Variants in ENO4 observed in about 807,000 individuals in gnomAD.
ENO4 encodes 2-phospho-D-glycerate hydro-lyase.
Under a neutral mutation model 63.2 loss-of-function variants are expected in ENO4, and 53 were observed. The observed-to-expected ratio is 0.84, with a 90% CI of 0.67 to 1.05. The LOEUF (loss-of-function observed/expected upper bound fraction) is 1.05, where lower values mean the gene tolerates loss of function less well. ENO4 is among the 50% of genes least tolerant of loss of function. ENO4 has a pLI of 0.00. For synonymous variants in ENO4, 266 were observed against 283.8 expected (o/e 0.94, Z 0.63); for missense variants, 719 against 772.0 (o/e 0.93, Z 0.81).
chr10:116,854,559 TAAAAAAAA>T (rs61238867), intron 1 of ENO4, among the ~76,000 whole-genome samples: 3 of 132,460 alleles, frequency 2.3e-5, no homozygotes, highest in Admixed American at 1.5e-4. Flanking sequence ...GACTCTGTCT[TAAAAAAAA>T]AAAAAAAAAA....
intron 10 of ENO4, among the ~76,000 whole-genome samples, chr10:116,887,689 T>G (rs1461952204): frequency 2.6e-5 from 4 of 152,222 alleles, no homozygotes; most frequent in Non-Finnish European, 4.4e-5. Flanking sequence ...AATTGTTTCC[T>G]GTCTGTCTCT....
intron 11 of ENO4, among the ~76,000 whole-genome samples, chr10:116,877,567 A>G (rs1314736388): frequency 6.6e-6 from 1 of 152,050 alleles, no homozygotes; most frequent in African/African-American, 2.4e-5. Flanking sequence ...TTCACTACTA[A>G]CATGCAGCAT....
rs1050192157 is a variant in ENO4, at chr10:116,849,780, G to T, written c.165+49G>T. On this transcript the variant is annotated intron_variant, in intron 1 of 13. Transcript: ENST00000341276. ...TCCTCCCGCCAACCCCTCTCCCCCC[G>T]CCCCGCGCTGCGGCAACGCCTTGCG... 8 of 1,459,566 alleles carry T rather than the reference G, an allele frequency of 5.5e-6. No homozygotes were observed. The South Asian group carries it at 5.7e-5, about 10-fold the overall frequency. 90.4% of individuals were successfully genotyped at this position (1,459,566 alleles called of 1,614,324 possible).
At position 116,861,200 on chromosome 10, in the gene ENO4, A is replaced by T; in HGVS notation, c.936+10A>T. On this transcript the variant is annotated intron_variant, in intron 6 of 13. Transcript: ENST00000341276. ...ATTAACAACCAAACAAGTACCTTACATTATCTTAAATTACCTTTTCTAAAA... is the reference window on the plus strand; with the variant it reads ...ATTAACAACCAAACAAGTACCTTACTTTATCTTAAATTACCTTTTCTAAAA... 1 of 1,211,684 alleles carries T rather than the reference A, an allele frequency of 8.3e-7. No individual in the cohort carries two copies. The highest frequency in any genetic ancestry group is 1.1e-6 in the Non-Finnish European group (1 of 940,610). 75.1% of individuals were successfully genotyped at this position (1,211,684 alleles called of 1,614,324 possible).
At position 116,874,108 on chromosome 10, in the gene ENO4, A is replaced by G. The variant is rs1846769068; in HGVS notation, c.1248A>G (p.Thr416=). ...NKGKYEVIMG[T]YKNAAEMVDL... ...GAAAGTATGAAGTGATCATGGGCAC[A>G]TACAAAAATGCAGCGGAGATGGTTG... Residue 416 remains threonine, a synonymous_variant, in exon 10 of 14, where the codon ACA becomes ACG. Coordinates refer to ENST00000341276, the MANE Select transcript of ENO4 (RefSeq NM_001242699.2). 2 of 1,549,924 alleles carry G rather than the reference A, an allele frequency of 1.3e-6. No homozygotes were observed. Among genetic ancestry groups the G allele is most frequent in the Non-Finnish European group, 1.7e-6 (2 of 1,146,144 alleles).
chr10:116,862,783 G>A lies in ENO4; in HGVS notation c.937-16G>A. ...TAGTCTGCAACTGTGGAAGATCATG[G>A]TTGTTCTACTTACAGGGTGTCGAGA... On this transcript the variant is annotated splice_polypyrimidine_tract_variant and intron_variant, in intron 6 of 13. Transcript: ENST00000341276. The A allele has an allele frequency of 1.3e-6, 2 of 1,546,628 alleles. No individual in the cohort carries two copies. Among genetic ancestry groups the A allele is most frequent in the Non-Finnish European group, 8.7e-7 (1 of 1,143,766 alleles).
chr10:116,863,384 A>ACG (rs1554901233), intron 7 of ENO4, among the ~76,000 whole-genome samples: 107 of 151,702 alleles, frequency 7.1e-4, no homozygotes, highest in African/African-American at 2.3e-3. Flanking sequence ...ACACACACAC[A>ACG]CACGCACACA....
chr10:116,875,925 AT>A (rs770203272), intron 10 of ENO4, 139 bp from the exon 11 acceptor site: 9,819 of 582,384 alleles, frequency 0.017, 111 homozygotes, highest in Non-Finnish European at 0.022. Context: ...GTACAGGGTC[AT>A]TCAGGAACAG....
Position 116,900,864 on chromosome 10 carries a change from A to C in ENO4, c.1195-10635A>C, listed in dbSNP as rs533368088. The C allele has an allele frequency of 2.6e-5, 26 of 985,414 alleles. No individual in the cohort carries two copies. The African/African-American group carries it at 3.8e-4, about 15-fold the overall frequency. 61.0% of individuals were successfully genotyped at this position (985,414 alleles called of 1,614,324 possible). On this transcript the variant is annotated intron_variant, in intron 10 of 10. Transcript: ENST00000369207. Reference sequence around the variant, plus strand: ...GGCCATTCATTCCAGAAGAGAAAAAAAAGTTAATAGTAGCAATGAGAGAAT... The same window carrying C: ...GGCCATTCATTCCAGAAGAGAAAAACAAGTTAATAGTAGCAATGAGAGAAT...
rs959650048 is a variant in ENO4 at position 116,871,400 on chromosome 10, GTTT to G, written c.1215+113_1215+115del. 4.9e-6 allele frequency: 5 copies of G among 1,015,158 alleles called. No individual in the cohort carries two copies. The African/African-American group carries it at 6.5e-5, about 13-fold the overall frequency. The allele number at this position is 1,015,158 out of a possible 1,614,324, so 62.9% of individuals were successfully genotyped here. Reference sequence around the variant, plus strand: ...GAATATTGTCCAAACAGATCTTATTGTTTTTTTATTAATATTGTGTGAAGGATC... The same window carrying G: ...GAATATTGTCCAAACAGATCTTATTGTTTTATTAATATTGTGTGAAGGATC... On this transcript the variant is annotated intron_variant, in intron 9 of 13. Coordinates refer to ENST00000341276, the MANE Select transcript of ENO4 (RefSeq NM_001242699.2).
chr10:116,852,191 C>G (rs950243849), intron 1 of ENO4, among the ~76,000 whole-genome samples: 1 of 152,160 alleles, frequency 6.6e-6, no homozygotes, highest in South Asian at 2.1e-4. Context: ...TTTGCTTCTC[C>G]CTCCACCATG....
At chr10:116,855,340 C>T (rs1020647240) in intron 1 of ENO4, among the ~76,000 whole-genome samples, 7 of 152,060 alleles carry the variant, frequency 4.6e-5, no homozygotes, top group African/African-American at 1.7e-4. Flanking sequence ...AATTAAGAAA[C>T]GTATGCAAGT....
chr10:116,856,786 G>C, intron 3 of ENO4, 104 bp downstream of exon 3: 1 of 991,496 alleles, frequency 1.0e-6, no homozygotes. Flanking sequence ...CAGATCACGA[G>C]GTCAGGAGGT....
intron 10 of ENO4, among the ~76,000 whole-genome samples, chr10:116,905,901 T>G (rs910431054): frequency 2.6e-5 from 4 of 152,178 alleles, no homozygotes; most frequent in Non-Finnish European, 5.9e-5. Context: ...ATGGGATACA[T>G]TTTGAGGCCT....
chr10:116,883,651 T>G (rs1288793860), downstream of ENO4: 1 of 152,568 alleles, frequency 6.6e-6, no homozygotes, highest in Non-Finnish European at 1.5e-5. Context: ...TAAAAATAAT[T>G]GTTACCTGTA....
At chr10:116,878,219 G>A (rs1846890857) in intron 11 of ENO4, among the ~76,000 whole-genome samples, 2 of 152,188 alleles carry the variant, frequency 1.3e-5, no homozygotes, top group African/African-American at 2.4e-5. Flanking sequence ...AATACCACGA[G>A]TGGGTCTCAG....
chr10:116,859,045 A>G lies in ENO4; in HGVS notation c.541A>G (p.Ser181Gly), dbSNP rs1410153027. 1.2e-5 allele frequency: 18 copies of G among 1,535,944 alleles called. No homozygotes were observed. The highest frequency in any genetic ancestry group is 2.0e-5 in the Admixed American group (1 of 51,006). ...TAAGGGGAGAAAAGAATTGGAAAAGAGCCTGGAATACTCAACAGTGCCTAC... is the reference window on the plus strand; with the variant it reads ...TAAGGGGAGAAAAGAATTGGAAAAGGGCCTGGAATACTCAACAGTGCCTAC... ...EDKGRKELEK[S>G]LEYSTVPTPL... The change falls in exon 4 of 14, where the codon AGC (serine) becomes GGC (glycine). Residue 181 changes from serine (S) to glycine (G), a missense_variant. Transcript: ENST00000341276.
At chr10:116,879,098 A>G (rs1289358940) in intron 11 of ENO4, among the ~76,000 whole-genome samples, 193 bp from the exon 12 acceptor site, 8 of 152,180 alleles carry the variant, frequency 5.3e-5, no homozygotes, top group African/African-American at 1.9e-4. Context: ...TACAGCATCT[A>G]AGCTACTGAA....
At chr10:116,901,175 G>T (rs1216734014) in intron 10 of ENO4, 81 of 985,260 alleles carry the variant, frequency 8.2e-5, no homozygotes, top group Non-Finnish European at 9.4e-5. Flanking sequence ...AGCTGCCATT[G>T]TTATAAAACA....
Sources: allele counts gnomAD v4.1 joint callset (sites outside exome capture counted in the v4.1 genomes callset), GRCh38; gene constraint gnomAD v4.1.1; transcripts MANE v1.5; gene names NCBI Gene and HGNC (gene_info 2026-07-23, HGNC 2026-07-21).